The following CTNNA2 variants were observed in gnomAD, a reference collection of about 807,000 sequenced individuals.
The protein encoded by CTNNA2 is catenin alpha-2.
In CTNNA2, 42 loss-of-function variants were observed where a neutral mutation model predicts 101.0. The ratio of observed to expected loss-of-function variants is 0.42; its 90% CI spans 0.32 to 0.54. The LOEUF (loss-of-function observed/expected upper bound fraction) is 0.54, where lower values mean the gene tolerates loss of function less well. CTNNA2 is among the 20% of genes least tolerant of loss of function. The pLI, the probability that CTNNA2 is intolerant of heterozygous loss-of-function variation, is 0.14. For missense variants in CTNNA2, 871 were observed against 1,223.1 expected (o/e 0.71, Z 4.29); for synonymous variants, 450 against 456.4 (o/e 0.99, Z 0.18).
At chr2:79,652,631 C>A (rs949955468) in intron 2 of CTNNA2, among the ~76,000 whole-genome samples, 3 of 152,064 alleles carry the variant, frequency 2.0e-5, no homozygotes, top group Admixed American at 6.6e-5. Flanking sequence ...CCAGAAAAAT[C>A]CTCCCATCTC....
intron 7 of CTNNA2, among the ~76,000 whole-genome samples, chr2:80,245,166 A>G (rs984141561): frequency 2.6e-5 from 4 of 152,186 alleles, no homozygotes; most frequent in African/African-American, 9.7e-5. Context: ...TATTGTTATT[A>G]CTTGAAGTTT....
chr2:79,211,290 A>C (rs1041570213), intron 2 of CTNNA2, among the ~76,000 whole-genome samples: 1 of 152,182 alleles, frequency 6.6e-6, no homozygotes, highest in Non-Finnish European at 1.5e-5. Flanking sequence ...AAAAACACAG[A>C]CTATCTTTAA....
At chr2:79,926,724 A>G (rs1687044229) in intron 7 of CTNNA2, among the ~76,000 whole-genome samples, 1 of 151,930 alleles carries the variant, frequency 6.6e-6, no homozygotes, top group South Asian at 2.1e-4. Context: ...TTAGAATTGA[A>G]CATCTAAAAC....
chr2:79,740,934 G>A (rs1291280459), intron 2 of CTNNA2, among the ~76,000 whole-genome samples: 2 of 152,056 alleles, frequency 1.3e-5, no homozygotes, highest in Non-Finnish European at 2.9e-5. Context: ...AGAATTTTAG[G>A]TGTAAATATA....
intron 7 of CTNNA2, among the ~76,000 whole-genome samples, chr2:80,290,908 A>G (rs1558973505): frequency 6.6e-6 from 1 of 152,226 alleles, no homozygotes; most frequent in Non-Finnish European, 1.5e-5. Context: ...GTAAAACACT[A>G]AACTGACGAT....
chr2:80,605,850 G>C (rs1413246936), intron 16 of CTNNA2, among the ~76,000 whole-genome samples: 1 of 151,896 alleles, frequency 6.6e-6, no homozygotes, highest in Admixed American at 6.6e-5. Context: ...CAAGTACTAT[G>C]AGAATTTGAG....
rs116708736 is a variant in CTNNA2 at position 80,116,804 on chromosome 2, C to A, written c.1056+207007C>A. Among the ~76,000 whole-genome samples the A allele has an allele frequency of 5.7e-3, 864 of 151,842 alleles. 10 individuals carry two copies. The highest frequency in any genetic ancestry group is 0.02 in the African/African-American group (814 of 41,346). ...CCCATCAGATAAGTTTTCTTGTGGG[C>A]ATATTGAGTTCAGAAGAGACAAGGT... On this transcript the variant is annotated intron_variant, in intron 7 of 18. Coordinates refer to ENST00000402739, the MANE Select transcript of CTNNA2 (RefSeq NM_001282597.3).
At chr2:79,830,056 C>T (rs1170328044) in intron 3 of CTNNA2, among the ~76,000 whole-genome samples, 1 of 152,178 alleles carries the variant, frequency 6.6e-6, no homozygotes, top group African/African-American at 2.4e-5. Context: ...ATTTAGGAGA[C>T]GATGCGGACC....
chr2:79,682,138 G>A (rs979573805), intron 2 of CTNNA2, among the ~76,000 whole-genome samples: 2 of 152,056 alleles, frequency 1.3e-5, no homozygotes, highest in Non-Finnish European at 2.9e-5. Context: ...GCCAGGCGCG[G>A]TGGCTCACGC....
At chr2:80,297,549 A>C (rs899214336) in intron 7 of CTNNA2, among the ~76,000 whole-genome samples, 1 of 152,160 alleles carries the variant, frequency 6.6e-6, no homozygotes, top group Non-Finnish European at 1.5e-5. Context: ...AAAAAGCAAA[A>C]GTCTTCAGAA....
At chr2:80,447,755 A>G (rs1294766930) in intron 9 of CTNNA2, among the ~76,000 whole-genome samples, 2 of 151,658 alleles carry the variant, frequency 1.3e-5, no homozygotes, top group African/African-American at 4.9e-5. Context: ...AAACAAACAC[A>G]TGGGTGGGAA....
At chr2:79,248,312 A>T (rs1362452371) in intron 2 of CTNNA2, among the ~76,000 whole-genome samples, 3 of 152,110 alleles carry the variant, frequency 2.0e-5, no homozygotes. Context: ...TCCATGTTAA[A>T]AACAAAAGTA....
At chr2:80,329,554 G>A (rs1671133859) in intron 7 of CTNNA2, among the ~76,000 whole-genome samples, 1 of 152,170 alleles carries the variant, frequency 6.6e-6, no homozygotes, top group African/African-American at 2.4e-5. Context: ...TAGGGAACAG[G>A]TTGGCCAGAC....
At chr2:79,645,053 G>T (rs545250258) in intron 1 of CTNNA2, among the ~76,000 whole-genome samples, 3 of 152,018 alleles carry the variant, frequency 2.0e-5, no homozygotes, top group Non-Finnish European at 2.9e-5. Context: ...CATGATCTCG[G>T]CTCACTGCAG....
intron 2 of CTNNA2, among the ~76,000 whole-genome samples, chr2:79,256,426 A>G (rs1481152922): frequency 2.0e-5 from 3 of 152,216 alleles, no homozygotes; most frequent in Non-Finnish European, 2.9e-5. Flanking sequence ...GACTCATAGC[A>G]GACAGTCACT....
intron 11 of CTNNA2, among the ~76,000 whole-genome samples, chr2:80,547,091 G>A (rs1421204701): frequency 6.6e-6 from 1 of 152,170 alleles, no homozygotes; most frequent in East Asian, 1.9e-4. Context: ...TCTGAGGGGG[G>A]CTGTCATGTT....
At chr2:79,789,834 G>A (rs1291735636) in intron 3 of CTNNA2, among the ~76,000 whole-genome samples, 1 of 152,026 alleles carries the variant, frequency 6.6e-6, no homozygotes, top group Non-Finnish European at 1.5e-5. Flanking sequence ...TTAATATTTG[G>A]ATATGTTGCA....
chr2:79,841,554 T>C (rs75471620), intron 3 of CTNNA2, among the ~76,000 whole-genome samples: 1 of 152,262 alleles, frequency 6.6e-6, no homozygotes, highest in African/African-American at 2.4e-5. Context: ...TTTTTGTTGC[T>C]CCTTTTGGTC....
At chr2:80,199,631 A>G (rs2149013153) in intron 7 of CTNNA2, among the ~76,000 whole-genome samples, 1 of 152,336 alleles carries the variant, frequency 6.6e-6, no homozygotes, top group African/African-American at 2.4e-5. Flanking sequence ...AGAGAAAAAT[A>G]TTTGAAGAAT....
Sources: gnomAD v4.1 joint callset for allele counts (sites outside exome capture counted in the v4.1 genomes callset) on GRCh38, gnomAD v4.1.1 for gene constraint, MANE v1.5 for transcripts, NCBI Gene and HGNC (gene_info 2026-07-23, HGNC 2026-07-21) for gene names.